Variants in CCDC30 observed in about 807,000 individuals in gnomAD.
CCDC30 encodes coiled-coil domain-containing protein 30.
In CCDC30, 70 loss-of-function variants were observed where a neutral mutation model predicts 100.2. The ratio of observed to expected loss-of-function variants is 0.70; its 90% CI spans 0.58 to 0.85. The LOEUF is 0.85. CCDC30 is among the 40% of genes least tolerant of loss of function. The pLI is 0.00. For missense variants in CCDC30, 652 were observed against 771.2 expected (o/e 0.85, Z 1.83); for synonymous variants, 233 against 269.5 (o/e 0.86, Z 1.33).
At chr1:42,525,043 T>C (rs1644703979) in intron 6 of CCDC30, among the ~76,000 whole-genome samples, 1 of 152,216 alleles carries the variant, frequency 6.6e-6, no homozygotes. Context: ...GTCATTCTTA[T>C]CTTTGTTTTT....
At chr1:42,477,930 G>A (rs1448041285) in intron 1 of CCDC30, among the ~76,000 whole-genome samples, 1 of 152,180 alleles carries the variant, frequency 6.6e-6, no homozygotes, top group Non-Finnish European at 1.5e-5. Context: ...AGGGAACAGA[G>A]TTGATAATAC....
intron 12 of CCDC30, among the ~76,000 whole-genome samples, chr1:42,638,341 G>A (rs781457663): frequency 3.9e-5 from 6 of 151,964 alleles, no homozygotes; most frequent in Non-Finnish European, 7.4e-5. Context: ...CTCCAGCCTG[G>A]GCAACATAGA....
At chr1:42,476,650 G>A (rs1354806588) in intron 1 of CCDC30, among the ~76,000 whole-genome samples, 26 of 149,824 alleles carry the variant, frequency 1.7e-4, no homozygotes, top group East Asian at 5.9e-4. Context: ...AGATTGTGCC[G>A]TTGCACTCCA....
chr1:42,582,348 C>A (rs1391583012), intron 9 of CCDC30, among the ~76,000 whole-genome samples: 1 of 152,162 alleles, frequency 6.6e-6, no homozygotes, highest in Non-Finnish European at 1.5e-5. Flanking sequence ...GGAGTTTAAC[C>A]ATATCATTGC....
chr1:42,558,691 G>C (rs574511649), intron 6 of CCDC30, among the ~76,000 whole-genome samples: 1 of 152,082 alleles, frequency 6.6e-6, no homozygotes, highest in Non-Finnish European at 1.5e-5. Context: ...AGAAGGAGAC[G>C]GGGAGACTGG....
At chr1:42,503,353 C>T (rs986096256) in intron 6 of CCDC30, among the ~76,000 whole-genome samples, 1 of 152,152 alleles carries the variant, frequency 6.6e-6, no homozygotes, top group African/African-American at 2.4e-5. Flanking sequence ...GAGGGGCATC[C>T]AAAAGATAAA....
At chr1:42,607,616 G>A (rs1646528036) in intron 10 of CCDC30, among the ~76,000 whole-genome samples, 1 of 150,976 alleles carries the variant, frequency 6.6e-6, no homozygotes, top group Admixed American at 6.6e-5. Context: ...GATATCTGCT[G>A]AACAGTTTTT....
chr1:42,567,091 G>T (rs568804872), intron 7 of CCDC30, among the ~76,000 whole-genome samples: 7 of 152,020 alleles, frequency 4.6e-5, no homozygotes, highest in Non-Finnish European at 1.0e-4. Context: ...TCTATTGAAG[G>T]TTCTAAAATT....
intron 6 of CCDC30, among the ~76,000 whole-genome samples, chr1:42,532,891 A>G (rs543888835): frequency 7.9e-5 from 12 of 152,254 alleles, no homozygotes; most frequent in African/African-American, 2.9e-4. Flanking sequence ...TCAGCCTCCC[A>G]AGTAGCTGGG....
At chr1:42,473,079 G>A (rs1306816752) in intron 1 of CCDC30, 1 of 1,221,928 alleles carries the variant, frequency 8.2e-7, no homozygotes, top group Non-Finnish European at 1.0e-6. Context: ...TCAGTTGTGT[G>A]TGTGTGTGTG....
intron 11 of CCDC30, among the ~76,000 whole-genome samples, chr1:42,629,724 C>T (rs1039013370): frequency 1.8e-4 from 28 of 152,012 alleles, no homozygotes; most frequent in African/African-American, 6.8e-4. Context: ...CTCTGCCTCC[C>T]GGGTTCAAGC....
At chr1:42,567,259 C>T (rs1250940492) in intron 7 of CCDC30, among the ~76,000 whole-genome samples, 4 of 152,122 alleles carry the variant, frequency 2.6e-5, no homozygotes, top group Non-Finnish European at 5.9e-5. Flanking sequence ...TATTGGCAGC[C>T]ATATCTGTCT....
chr1:42,553,478 A>G (rs1466137626), intron 6 of CCDC30, among the ~76,000 whole-genome samples: 3 of 148,674 alleles, frequency 2.0e-5, no homozygotes, highest in Non-Finnish European at 4.5e-5. Context: ...GAAAAAGTCC[A>G]TTTTCTCCAT....
chr1:42,544,929 T>C (rs1198405034), intron 6 of CCDC30, among the ~76,000 whole-genome samples: 1 of 152,130 alleles, frequency 6.6e-6, no homozygotes, highest in East Asian at 1.9e-4. Context: ...ATAGAAGATA[T>C]CTCCGTAAGA....
intron 1 of CCDC30, among the ~76,000 whole-genome samples, chr1:42,474,652 A>C (rs1227060663): frequency 2.0e-5 from 3 of 152,208 alleles, no homozygotes; most frequent in Non-Finnish European, 4.4e-5. Context: ...CTAAGAACTC[A>C]GTCTCTGGTT....
chr1:42,636,245 C>T (rs900497836), intron 11 of CCDC30, among the ~76,000 whole-genome samples: 1 of 151,718 alleles, frequency 6.6e-6, no homozygotes, highest in South Asian at 2.1e-4. Flanking sequence ...TGTGAGACAC[C>T]CATCTCTACA....
chr1:42,509,430 T>C (rs1157997908), intron 6 of CCDC30, among the ~76,000 whole-genome samples: 1 of 152,184 alleles, frequency 6.6e-6, no homozygotes, highest in Non-Finnish European at 1.5e-5. Context: ...CCGCCCTTGA[T>C]AGATCAACTA....
chr1:42,550,423 A>T (rs1303147889), intron 6 of CCDC30, among the ~76,000 whole-genome samples: 1 of 152,168 alleles, frequency 6.6e-6, no homozygotes, highest in Non-Finnish European at 1.5e-5. Flanking sequence ...TATTGCACTT[A>T]AAATCTAAAC....
intron 6 of CCDC30, among the ~76,000 whole-genome samples, chr1:42,522,420 A>G (rs1185844333): frequency 1.3e-5 from 2 of 152,138 alleles, no homozygotes; most frequent in Non-Finnish European, 2.9e-5. Context: ...AGCTTCCCCC[A>G]CTTATTTCCT....
Sources: allele counts gnomAD v4.1 joint callset (sites outside exome capture counted in the v4.1 genomes callset), GRCh38; gene constraint gnomAD v4.1.1; transcripts MANE v1.5; gene names NCBI Gene and HGNC (gene_info 2026-07-23, HGNC 2026-07-21).